ADAMTS16: variants seen among roughly 807,000 people sequenced by gnomAD.
The protein encoded by ADAMTS16 is ADAM metallopeptidase with thrombospondin type 1 motif 16.
In ADAMTS16, 94 loss-of-function variants were observed where a neutral mutation model predicts 145.8. The ratio of observed to expected loss-of-function variants is 0.64; its 90% CI spans 0.55 to 0.77. ADAMTS16 has a LOEUF of 0.77. Ranked by LOEUF, ADAMTS16 falls within the 30% of genes least tolerant of loss-of-function variation. The pLI is 0.00. For missense variants in ADAMTS16, 1,585 were observed against 1,591.5 expected (o/e 1.00, Z 0.07); for synonymous variants, 659 against 604.3 (o/e 1.09, Z -1.33).
At chr5:5,142,760 G>T (rs1734199764) in intron 2 of ADAMTS16, among the ~76,000 whole-genome samples, 1 of 152,086 alleles carries the variant, frequency 6.6e-6, no homozygotes, top group Non-Finnish European at 1.5e-5. Flanking sequence ...ATAGCAAAGA[G>T]AACAAAGCTG....
intron 7 of ADAMTS16, 120 bp from the exon 8 acceptor site, chr5:5,191,565 T>G: frequency 1.3e-6 from 1 of 797,056 alleles, no homozygotes; most frequent in East Asian, 2.8e-5. Context: ...GTGTTTCCCA[T>G]TTCATATTTT....
intron 13 of ADAMTS16, 105 bp from the exon 14 acceptor site, chr5:5,236,864 T>G: frequency 7.2e-7 from 1 of 1,396,102 alleles, no homozygotes; most frequent in Non-Finnish European, 9.5e-7. Context: ...TGTGTGGGAG[T>G]TATTTTATGG....
chr5:5,243,528 A>G (rs1382619629), intron 17 of ADAMTS16, among the ~76,000 whole-genome samples: 1 of 152,152 alleles, frequency 6.6e-6, no homozygotes, highest in Non-Finnish European at 1.5e-5. Flanking sequence ...AACCATAACC[A>G]TGTTTTTATG....
chr5:5,229,094 C>T (rs867249735), intron 11 of ADAMTS16, among the ~76,000 whole-genome samples: 15 of 151,584 alleles, frequency 9.9e-5, no homozygotes, highest in Admixed American at 7.2e-4. Context: ...GTCAGGAGAT[C>T]GAGACCATCC....
chr5:5,304,663 AGG>A lies in ADAMTS16; in HGVS notation c.3186+898_3186+899del, dbSNP rs1272272365. On this transcript the variant is annotated intron_variant, in intron 20 of 22. Coordinates refer to ENST00000274181, the MANE Select transcript of ADAMTS16 (RefSeq NM_139056.4). ...TCAGATTGGTAGGAAGTGCCAAGCA[AGG>A]CATTGAATCCTGTTGAGACTCTGTT... Among the ~76,000 whole-genome samples, 10 of 152,114 alleles carry A rather than the reference AGG, an allele frequency of 6.6e-5. No homozygotes were observed. In the South Asian group the frequency reaches 8.3e-4, roughly 13 times the overall value.
intron 8 of ADAMTS16, among the ~76,000 whole-genome samples, chr5:5,194,371 A>G (rs4702237): frequency 0.86 from 130,145 of 152,206 alleles, 55,627 homozygotes; most frequent in Middle Eastern, 0.9. Context: ...TCTGCTCTTC[A>G]TGGAGCACTT....
chr5:5,184,632 G>A (rs1735446660), intron 4 of ADAMTS16, among the ~76,000 whole-genome samples: 1 of 152,146 alleles, frequency 6.6e-6, no homozygotes, highest in Non-Finnish European at 1.5e-5. Flanking sequence ...AACCAATAGT[G>A]AGGTTGGACC....
chr5:5,239,802 C>G lies in ADAMTS16; in HGVS notation c.2400C>G (p.His800Gln). ...NALRRYYLNG[H>Q]WTVDWPGRYK... ...TCAGAAGGTACTACCTGAATGGGCA[C>G]TGGACCGTGGACTGGCCCGGCCGGT... Residue 800 changes from histidine to glutamine, a missense_variant, in exon 16 of 23, where the codon CAC becomes CAG. Coordinates refer to ENST00000274181, the MANE Select transcript of ADAMTS16 (RefSeq NM_139056.4). The G allele has an allele frequency of 1.2e-6, 2 of 1,614,170 alleles. No homozygotes were observed. The highest frequency in any genetic ancestry group is 3.3e-5 in the Admixed American group (2 of 60,026).
chr5:5,239,792 T>C lies in ADAMTS16; in HGVS notation c.2390T>C (p.Leu797Pro), dbSNP rs1737229377. ...SVRNALRRYY[L>P]NGHWTVDWPG... is the part of the protein sequence containing the mutation. ...CGCAATGCCCTCAGAAGGTACTACC[T>C]GAATGGGCACTGGACCGTGGACTGG... The change falls in exon 16 of 23, where the codon CTG (leucine) becomes CCG (proline). Residue 797 changes from leucine (L) to proline (P), a missense_variant. Transcript: ENST00000274181. The C allele has an allele frequency of 6.2e-7, 1 of 1,614,160 alleles. No individual in the cohort carries two copies. Among genetic ancestry groups the C allele is most frequent in the Non-Finnish European group, 8.5e-7 (1 of 1,180,028 alleles).
intron 3 of ADAMTS16, among the ~76,000 whole-genome samples, chr5:5,173,811 C>T (rs921786991): frequency 6.6e-6 from 1 of 152,112 alleles, no homozygotes; most frequent in East Asian, 1.9e-4. Context: ...AACTAAGAAA[C>T]AAGTAAAGAG....
intron 3 of ADAMTS16, among the ~76,000 whole-genome samples, chr5:5,167,828 G>A (rs1215292112): frequency 6.6e-6 from 1 of 152,216 alleles, no homozygotes; most frequent in Non-Finnish European, 1.5e-5. Flanking sequence ...CAATTGAGGA[G>A]TTGAAGGCCT....
intron 3 of ADAMTS16, among the ~76,000 whole-genome samples, chr5:5,157,154 C>A (rs1214470606): frequency 6.6e-6 from 1 of 150,996 alleles, no homozygotes; most frequent in Non-Finnish European, 1.5e-5. Context: ...TCAAGTAAAT[C>A]AGCATTTTAA....
chr5:5,175,134 T>G (rs1048384178), intron 3 of ADAMTS16, among the ~76,000 whole-genome samples: 1 of 152,158 alleles, frequency 6.6e-6, no homozygotes, highest in African/African-American at 2.4e-5. Context: ...CTAGCACATC[T>G]CTGACTCTCA....
At chr5:5,230,883 T>C (rs1241055028) in intron 11 of ADAMTS16, among the ~76,000 whole-genome samples, 3 of 152,232 alleles carry the variant, frequency 2.0e-5, no homozygotes, top group Admixed American at 2.0e-4. Flanking sequence ...TCGAATCCTG[T>C]TCTTCATCTT....
At chr5:5,256,648 T>C (rs550775850) in intron 17 of ADAMTS16, among the ~76,000 whole-genome samples, 5 of 152,310 alleles carry the variant, frequency 3.3e-5, no homozygotes, top group African/African-American at 1.2e-4. Flanking sequence ...CCAACTTCTG[T>C]TTCTATTTCA....
intron 17 of ADAMTS16, among the ~76,000 whole-genome samples, chr5:5,251,357 G>A (rs1737616384): frequency 6.6e-6 from 1 of 152,074 alleles, no homozygotes; most frequent in Admixed American, 6.6e-5. Flanking sequence ...CTTCTAATGT[G>A]GCAGCTCACA....
intron 8 of ADAMTS16, among the ~76,000 whole-genome samples, chr5:5,192,848 A>T (rs16874970): frequency 0.16 from 23,992 of 152,216 alleles, 2,082 homozygotes; most frequent in Middle Eastern, 0.22. Flanking sequence ...AAATAAAAAA[A>T]TCAAGGGCCC....
chr5:5,155,307 A>G (rs1734573290), intron 3 of ADAMTS16, among the ~76,000 whole-genome samples: 2 of 152,152 alleles, frequency 1.3e-5, no homozygotes, highest in African/African-American at 2.4e-5. Flanking sequence ...TCCCTGTTTC[A>G]TTCCTATCCC....
At chr5:5,152,417 T>C (rs1734497677) in intron 3 of ADAMTS16, among the ~76,000 whole-genome samples, 1 of 152,346 alleles carries the variant, frequency 6.6e-6, no homozygotes, top group East Asian at 1.9e-4. Context: ...CTGATAAGCC[T>C]GGAGAGTAGT....
Sources: gnomAD v4.1 joint callset for allele counts (sites outside exome capture counted in the v4.1 genomes callset) on GRCh38, gnomAD v4.1.1 for gene constraint, MANE v1.5 for transcripts, NCBI Gene and HGNC (gene_info 2026-07-23, HGNC 2026-07-21) for gene names.